Variants in CYP24A1 observed in about 807,000 individuals in gnomAD.
The protein encoded by CYP24A1 is cytochrome P450 family 24 subfamily A member 1, also known as 1,25-dihydroxyvitamin D(3) 24-hydroxylase, mitochondrial.
Under a neutral mutation model 62.4 loss-of-function variants are expected in CYP24A1, and 68 were observed. The ratio of observed to expected loss-of-function variants is 1.09; its 90% confidence interval spans 0.90 to 1.33. The LOEUF is 1.33. Ranked by LOEUF, CYP24A1 falls within the 40% of genes most tolerant of loss-of-function variation. The probability of loss-of-function intolerance (pLI) is 0.00; values close to 1 mark genes in which losing one functional copy is unlikely to be tolerated. For synonymous variants in CYP24A1, 267 were observed against 253.0 expected, an observed-to-expected ratio of 1.06 and a Z score of -0.52; for missense variants, 787 against 653.0, an observed-to-expected ratio of 1.21 and a Z score of -2.24.
At chr20:54,162,656 C>G (rs953583839) in intron 7 of CYP24A1, 61 bp downstream of exon 7, 32 of 977,468 alleles carry the variant, frequency 3.3e-5, no homozygotes, top group Non-Finnish European at 4.4e-5. Context: ...TATTTAAAAT[C>G]TGTCATCTAA....
rs781045650 is a variant in CYP24A1, at chr20:54,157,482, A to AT, written c.1339dup (p.Ile447AsnfsTer2). The AT allele has an allele frequency of 2.5e-6, 4 of 1,601,736 alleles. No individual in the cohort carries two copies. In the Admixed American group the frequency reaches 6.7e-5, roughly 27 times the overall value. Reference sequence around the variant, plus strand: ...AAATGGAAGATGCGCAAAAGGATTAATTTTTTCCTTCTCCTGAAGCCAACG... The same window carrying AT: ...AAATGGAAGATGCGCAAAAGGATTAATTTTTTTCCTTCTCCTGAAGCCAACG... On this transcript the variant is annotated frameshift_variant, in exon 10 of 12. Coordinates refer to ENST00000216862, the MANE Select transcript of CYP24A1 (RefSeq NM_000782.5). LOFTEE classifies it high-confidence loss of function.
chr20:54,164,448 T>C lies in CYP24A1; in HGVS notation c.844+4A>G. The C allele has an allele frequency of 6.2e-7, 1 of 1,614,052 alleles. No homozygotes were observed. The highest frequency in any genetic ancestry group is 1.1e-5 in the South Asian group (1 of 91,064). ...CTGGCTGGTTGTGAAGGGCGGCCCT[T>C]TACCTGATTTGAAAATGGTGTCCCA... On this transcript the variant is annotated splice_donor_region_variant and intron_variant, in intron 6 of 11. Transcript: ENST00000216862.
At chr20:54,156,013 T>A (rs910173888) in intron 11 of CYP24A1, among the ~76,000 whole-genome samples, 4 of 152,148 alleles carry the variant, frequency 2.6e-5, no homozygotes, top group African/African-American at 9.7e-5. Context: ...TCCTCTATTG[T>A]CAGAAAAAGT....
At position 54,172,798 on chromosome 20, in the gene CYP24A1, G is replaced by A. The variant is rs369273459; in HGVS notation, c.449+111C>T. On this transcript the variant is annotated intron_variant, in intron 2 of 11. Transcript: ENST00000216862. ...AGAGGGGCTTTGGTATCCGCCCTAC[G>A]TAAGAAGCTTCCAACCCCAGGGAAC... The A allele has an allele frequency of 4.3e-4, 674 of 1,578,712 alleles. 6 individuals are homozygous for A. In the South Asian group the frequency reaches 7.1e-3, roughly 17 times the overall value.
intron 4 of CYP24A1, among the ~76,000 whole-genome samples, chr20:54,166,310 GT>G (rs910761804): frequency 6.6e-6 from 1 of 151,736 alleles, no homozygotes; most frequent in Non-Finnish European, 1.5e-5. Flanking sequence ...TTCATATAGG[GT>G]TTTTTTTCCT....
Position 54,154,645 on chromosome 20 carries a change from G to T in CYP24A1, c.*127C>A. 1 of 155,402 alleles carries T rather than the reference G, an allele frequency of 6.4e-6. No homozygotes were observed. Among genetic ancestry groups the T allele is most frequent in the Non-Finnish European group, 1.4e-5 (1 of 69,954 alleles). 9.6% of individuals were successfully genotyped at this position (155,402 alleles called of 1,614,324 possible). On this transcript the variant is annotated 3_prime_UTR_variant, in exon 12 of 12. Transcript: ENST00000216862. ...GGCTCCCAGGCCATTCTAAGCACCT[G>T]AAGATGGTGCTGACACAGGTGAAGT... is the stretch of plus-strand genomic sequence containing the variant.
At chr20:54,146,692 T>C in the CYP24A1 span, among the ~76,000 whole-genome samples, 1 of 152,216 alleles carries the variant, frequency 6.6e-6, no homozygotes, top group Non-Finnish European at 1.5e-5. Flanking sequence ...GTGCAAAATA[T>C]ATTGCACACC....
At position 54,164,639 on chromosome 20, in the gene CYP24A1, A is replaced by G. The variant is rs1020002948; in HGVS notation, c.733-76T>C. ...ACAATGTTCGTTCTGGAAGAGGAAC[A>G]TTCTAAACCGCAGCACCCTGCACTT... On this transcript the variant is annotated intron_variant, in intron 5 of 11. Coordinates refer to ENST00000216862, the MANE Select transcript of CYP24A1 (RefSeq NM_000782.5). 8 of 1,611,798 alleles carry G rather than the reference A, an allele frequency of 5.0e-6. No individual in the cohort carries two copies. The Admixed American group carries it at 8.3e-5, about 17-fold the overall frequency.
chr20:54,160,573 C>T (rs2092646672), intron 7 of CYP24A1, among the ~76,000 whole-genome samples: 1 of 152,220 alleles, frequency 6.6e-6, no homozygotes, highest in African/African-American at 2.4e-5. Flanking sequence ...AGAGGACTGG[C>T]AGCCTCGGCT....
rs576260966 is a variant in CYP24A1 at position 54,173,728 on chromosome 20, C to G, written c.-149G>C. ...TGTGATGGAGCGGGGTGAGGCGGGA[C>G]AGGCAGCAGAAAGGACCTCGGCGAG... On this transcript the variant is annotated 5_prime_UTR_variant, in exon 1 of 12. Coordinates refer to ENST00000216862, the MANE Select transcript of CYP24A1 (RefSeq NM_000782.5). This position sits in a 1 kb window ranked among gnomAD's most constrained non-coding sequence, Gnocchi z 7.2. 1 of 626,200 alleles carries G rather than the reference C, an allele frequency of 1.6e-6. No homozygotes were observed. The highest frequency in any genetic ancestry group is 2.7e-5 in the Admixed American group (1 of 36,654). The allele number at this position is 626,200 out of a possible 1,614,324, so 38.8% of individuals were successfully genotyped here. A position where few individuals can be genotyped will look rare whatever the true frequency, so the allele number is the denominator to read the frequency against.
rs1034414661 is a variant in CYP24A1 at position 54,173,338 on chromosome 20, T to G, written c.242A>C (p.Lys81Thr). ...LQILWKGGLK[K>T]QHDTLVEYHK... ...GGGGTTTACCAGGGTGTCGTGCTGT[T>G]TCTTGAGACCCCCTTTCCAGAGAAT... The change falls in exon 1 of 12, where the codon AAA becomes ACA. Residue 81 changes from lysine to threonine, a missense_variant. Lys to Thr is a moderately conservative substitution (Grantham distance 78). Transcript: ENST00000216862. The surrounding 1 kb of genome is among the most constrained non-coding windows in gnomAD (Gnocchi z 7.2). The G allele has an allele frequency of 1.9e-6, 3 of 1,608,786 alleles. No individual in the cohort carries two copies. The African/African-American group carries it at 4.0e-5, about 21-fold the overall frequency.
At chr20:54,145,529 A>G in the CYP24A1 span, among the ~76,000 whole-genome samples, 1 of 151,454 alleles carries the variant, frequency 6.6e-6, no homozygotes, top group Non-Finnish European at 1.5e-5. Context: ...AATCCCAGCT[A>G]CTTGGGAGGC....
intron 7 of CYP24A1, among the ~76,000 whole-genome samples, chr20:54,159,938 T>C (rs1465591420): frequency 6.6e-6 from 1 of 152,192 alleles, no homozygotes; most frequent in Non-Finnish European, 1.5e-5. Context: ...AGTTGCTTGA[T>C]ATAAAAAACA....
At chr20:54,171,506 T>C in intron 3 of CYP24A1, 71 bp downstream of exon 3, 1 of 1,612,890 alleles carries the variant, frequency 6.2e-7, no homozygotes, top group Non-Finnish European at 8.5e-7. Context: ...TCTTTGTAGC[T>C]GTGACTTGAA....
intron 7 of CYP24A1, among the ~76,000 whole-genome samples, chr20:54,162,420 C>G (rs2092654623): frequency 9.1e-6 from 1 of 109,894 alleles, no homozygotes. Context: ...CTCATCACAT[C>G]CTACTCTGGC....
chr20:54,165,819 A>T lies in CYP24A1; in HGVS notation c.655T>A (p.Leu219Met). Reference sequence around the variant, plus strand: ...AGAAGCCCAAATCTCTTCTCATACAACACGAGGCAGATACCTGTCATTTAA... The same window carrying T: ...AGAAGCCCAAATCTCTTCTCATACATCACGAGGCAGATACCTGTCATTTAA... ...KWSFESICLV[L>M]YEKRFGLLQK... The change falls in exon 5 of 12, where the codon TTG becomes ATG. Residue 219 changes from leucine to methionine, a missense_variant. By Grantham distance (15) the Leu-to-Met change is conservative. Coordinates refer to ENST00000216862, the MANE Select transcript of CYP24A1 (RefSeq NM_000782.5). 1 of 1,442,198 alleles carries T rather than the reference A, an allele frequency of 6.9e-7. No homozygotes were observed. Among genetic ancestry groups the T allele is most frequent in the Non-Finnish European group, 9.8e-7 (1 of 1,022,904 alleles). 89.3% of individuals were successfully genotyped at this position (1,442,198 alleles called of 1,614,324 possible). A position where few individuals can be genotyped will look rare whatever the true frequency, so the allele number is the denominator to read the frequency against.
intron 11 of CYP24A1, among the ~76,000 whole-genome samples, chr20:54,155,297 A>G (rs2092623512): frequency 6.6e-6 from 1 of 152,218 alleles, no homozygotes; most frequent in Non-Finnish European, 1.5e-5. Context: ...TAATCTACCA[A>G]TAAGCAAATG....
Position 54,173,157 on chromosome 20 carries a change from G to A in CYP24A1, c.259-58C>T, listed in dbSNP as rs35792925. ...GCGCATCCTCCGCCGTGCCCGAAGC[G>A]CTTTCCCTCCTCCCGCCTCCTTCCT... On this transcript the variant is annotated intron_variant, in intron 1 of 11. Transcript: ENST00000216862. The surrounding 1 kb of genome is among the most constrained non-coding windows in gnomAD (Gnocchi z 7.2). 0.016 allele frequency: 24,595 copies of A among 1,582,142 alleles called. 235 individuals carry two copies. Among genetic ancestry groups the A allele is most frequent in the Middle Eastern group, 0.018 (93 of 5,076 alleles).
At chr20:54,146,785 T>G in the CYP24A1 span, among the ~76,000 whole-genome samples, 1 of 152,178 alleles carries the variant, frequency 6.6e-6, no homozygotes, top group South Asian at 2.1e-4. Flanking sequence ...GCATTGGTAC[T>G]TGGGAGTTGA....
Sources: allele counts gnomAD v4.1 joint callset (sites outside exome capture counted in the v4.1 genomes callset), GRCh38; gene constraint gnomAD v4.1.1; non-coding constraint Gnocchi (gnomAD v3.1); transcripts MANE v1.5; gene names NCBI Gene and HGNC (gene_info 2026-07-23, HGNC 2026-07-21).